PTPRG: variants seen among roughly 807,000 people sequenced by gnomAD.
PTPRG encodes the protein protein tyrosine phosphatase receptor type G, also known as receptor-type tyrosine-protein phosphatase gamma.
In PTPRG, 102 loss-of-function variants were observed where a neutral mutation model predicts 165.3. That is an observed-to-expected ratio of 0.62 (90% CI 0.53 to 0.73). The LOEUF (loss-of-function observed/expected upper bound fraction) is 0.73. PTPRG is among the 30% of genes least tolerant of loss of function. The probability of loss-of-function intolerance (pLI) is 0.00; values close to 1 mark genes in which losing one functional copy is unlikely to be tolerated. For synonymous variants in PTPRG, 675 were observed against 669.5 expected (o/e 1.01, Z -0.13); for missense variants, 1,866 against 1,861.4 (o/e 1.00, Z -0.05).
chr3:61,754,637 C>T (rs1302925710), intron 2 of PTPRG, among the ~76,000 whole-genome samples: 2 of 152,270 alleles, frequency 1.3e-5, no homozygotes, highest in East Asian at 1.9e-4. Context: ...TGGGAATTTA[C>T]TAAGGGGAGT....
intron 2 of PTPRG, among the ~76,000 whole-genome samples, chr3:61,835,298 C>T (rs1292943888): frequency 6.6e-6 from 1 of 152,120 alleles, no homozygotes; most frequent in Non-Finnish European, 1.5e-5. Context: ...TTACTTTCTC[C>T]TGCTCCAGCC....
intron 2 of PTPRG, among the ~76,000 whole-genome samples, chr3:61,978,387 T>C (rs2107673965): frequency 6.6e-6 from 1 of 152,346 alleles, no homozygotes; most frequent in East Asian, 1.9e-4. Flanking sequence ...CACAACTGCT[T>C]CTTATACTTT....
chr3:62,199,048 A>AT (rs1700035956), intron 10 of PTPRG, among the ~76,000 whole-genome samples: 2 of 152,316 alleles, frequency 1.3e-5, no homozygotes, highest in Admixed American at 1.3e-4. Context: ...GGAAAGCCAC[A>AT]TGCTGATGGG....
intron 1 of PTPRG, among the ~76,000 whole-genome samples, chr3:61,599,576 T>TC (rs981015834): frequency 1.3e-5 from 2 of 152,204 alleles, no homozygotes; most frequent in Admixed American, 1.3e-4. Flanking sequence ...CACTGCAATC[T>TC]CCATTTCCTG....
chr3:62,093,734 C>A (rs956701019), intron 5 of PTPRG, among the ~76,000 whole-genome samples: 2 of 152,194 alleles, frequency 1.3e-5, no homozygotes, highest in African/African-American at 4.8e-5. Context: ...GTAAGATCAT[C>A]CCCTCGGGCT....
At chr3:61,808,185 CA>C (rs1344497273) in intron 2 of PTPRG, among the ~76,000 whole-genome samples, 2 of 152,130 alleles carry the variant, frequency 1.3e-5, no homozygotes, top group African/African-American at 4.8e-5. Flanking sequence ...ACCTAAGAAT[CA>C]TCATCTGGAA....
chr3:62,223,584 T>G (rs1264259453), intron 13 of PTPRG, among the ~76,000 whole-genome samples: 1 of 152,172 alleles, frequency 6.6e-6, no homozygotes, highest in African/African-American at 2.4e-5. Context: ...CTCCACCAAC[T>G]TCGGTTTCCT....
chr3:62,017,777 C>T lies in PTPRG; in HGVS notation c.519+14280C>T, dbSNP rs187661777. Reference sequence around the variant, plus strand: ...TTCCAGAGTGTAGCTCTTATATTAACAACCATTACATCCACATATCAAGAC... The same window carrying T: ...TTCCAGAGTGTAGCTCTTATATTAATAACCATTACATCCACATATCAAGAC... On this transcript the variant is annotated intron_variant, in intron 4 of 29. Transcript: ENST00000474889. Among the ~76,000 whole-genome samples, 51 of 152,284 alleles carry T rather than the reference C, an allele frequency of 3.3e-4. 1 individual carries two copies. In the East Asian group the frequency reaches 5.4e-3, roughly 16 times the overall value.
At chr3:61,990,243 G>A (rs1398048691) in intron 3 of PTPRG, among the ~76,000 whole-genome samples, 3 of 152,116 alleles carry the variant, frequency 2.0e-5, no homozygotes, top group Admixed American at 6.5e-5. Flanking sequence ...TACGGCTAGT[G>A]ACTACCCTAT....
intron 1 of PTPRG, among the ~76,000 whole-genome samples, chr3:61,720,280 C>T (rs1490759975): frequency 2.6e-5 from 4 of 152,066 alleles, no homozygotes; most frequent in African/African-American, 7.2e-5. Flanking sequence ...TGCACCACCA[C>T]GTCCAGCTAA....
chr3:62,122,589 C>A (rs947350255), intron 5 of PTPRG, among the ~76,000 whole-genome samples: 14 of 152,170 alleles, frequency 9.2e-5, no homozygotes, highest in African/African-American at 3.1e-4. Context: ...TTCAGTGGCA[C>A]CTTTCACTTA....
chr3:61,630,502 T>C (rs1701744806), intron 1 of PTPRG, among the ~76,000 whole-genome samples: 1 of 152,152 alleles, frequency 6.6e-6, no homozygotes, highest in African/African-American at 2.4e-5. Context: ...AAAGATGTTT[T>C]CTCCTGTCTT....
At chr3:62,142,337 G>A (rs1444536180) in intron 6 of PTPRG, among the ~76,000 whole-genome samples, 1 of 152,026 alleles carries the variant, frequency 6.6e-6, no homozygotes, top group Non-Finnish European at 1.5e-5. Context: ...ACTTCTTGGG[G>A]GTGGATGAGA....
intron 4 of PTPRG, among the ~76,000 whole-genome samples, chr3:62,051,751 G>A (rs1700475252): frequency 6.6e-6 from 1 of 152,196 alleles, no homozygotes; most frequent in Non-Finnish European, 1.5e-5. Flanking sequence ...AAAGAAAGCT[G>A]TGTTAATATT....
chr3:62,102,787 T>C (rs1702336868), intron 5 of PTPRG, among the ~76,000 whole-genome samples: 1 of 152,148 alleles, frequency 6.6e-6, no homozygotes, highest in African/African-American at 2.4e-5. Flanking sequence ...GTTCCCCATA[T>C]CAGGAGCATT....
chr3:61,693,547 A>G (rs2030359928), intron 1 of PTPRG, among the ~76,000 whole-genome samples: 1 of 152,160 alleles, frequency 6.6e-6, no homozygotes, highest in Admixed American at 6.6e-5. Flanking sequence ...GGGAGGGTTA[A>G]GTTCTTGCCC....
intron 2 of PTPRG, among the ~76,000 whole-genome samples, chr3:61,919,658 C>T (rs748589612): frequency 5.9e-5 from 9 of 152,246 alleles, no homozygotes; most frequent in Admixed American, 2.6e-4. Context: ...ATGGTTGCAT[C>T]TCGTCATGGG....
chr3:61,878,898 A>C (rs886312569), intron 2 of PTPRG, among the ~76,000 whole-genome samples: 3 of 152,204 alleles, frequency 2.0e-5, no homozygotes, highest in African/African-American at 7.2e-5. Context: ...ACATGTATCA[A>C]CTGACATGGT....
chr3:61,697,714 C>T (rs969667741), intron 1 of PTPRG, among the ~76,000 whole-genome samples: 2 of 152,148 alleles, frequency 1.3e-5, no homozygotes, highest in Non-Finnish European at 2.9e-5. Context: ...TTCATTCCCC[C>T]CTAAAAATCA....
Sources: allele counts gnomAD v4.1 joint callset (sites outside exome capture counted in the v4.1 genomes callset), GRCh38; gene constraint gnomAD v4.1.1; transcripts MANE v1.5; gene names NCBI Gene and HGNC (gene_info 2026-07-23, HGNC 2026-07-21).